The following CLIP2 variants were observed in gnomAD, a reference collection of about 807,000 sequenced individuals.
CLIP2 encodes the protein CAP-Gly domain containing linker protein 2, also known as CAP-Gly domain-containing linker protein 2.
In CLIP2, 41 loss-of-function variants were observed where a neutral mutation model predicts 111.7. That is an observed-to-expected ratio of 0.37 (90% CI 0.29 to 0.48). CLIP2 has a LOEUF of 0.48. CLIP2 is among the 20% of genes least tolerant of loss of function. The pLI is 0.99. For synonymous variants in CLIP2, 660 were observed against 644.2 expected (o/e 1.02, Z -0.37); for missense variants, 1,160 against 1,422.1 (o/e 0.82, Z 2.96).
Position 74,300,780 on chromosome 7 carries a change from A to C in CLIP2, c.-68+11046A>C, listed in dbSNP as rs1040862416. ...CTGATTTCATTCTTTTTGATGGCTG[A>C]GTGGCATTCCGTGGTAGACATATAC... On this transcript the variant is annotated intron_variant, in intron 1 of 16. Coordinates refer to ENST00000223398, the MANE Select transcript of CLIP2 (RefSeq NM_003388.5). 4.6e-5 allele frequency among the ~76,000 whole-genome samples: 7 copies of C among 152,100 alleles called. No individual in the cohort carries two copies. The East Asian group carries it at 1.3e-3, about 29-fold the overall frequency.
chr7:74,295,328 G>C (rs1450102073), intron 1 of CLIP2, among the ~76,000 whole-genome samples: 5 of 152,098 alleles, frequency 3.3e-5, no homozygotes, highest in Non-Finnish European at 7.4e-5. Flanking sequence ...TGGGGGCAAA[G>C]GGAGAAAAGT....
At chr7:74,366,709 T>C (rs1262488572) in intron 8 of CLIP2, among the ~76,000 whole-genome samples, 1 of 151,980 alleles carries the variant, frequency 6.6e-6, no homozygotes, top group African/African-American at 2.4e-5. Flanking sequence ...AAACACCGTC[T>C]CTACTGAAAA....
intron 5 of CLIP2, among the ~76,000 whole-genome samples, 199 bp from the exon 6 acceptor site, chr7:74,357,081 T>G (rs1790168170): frequency 6.6e-6 from 1 of 152,092 alleles, no homozygotes; most frequent in Non-Finnish European, 1.5e-5. Context: ...TTCCTGAATC[T>G]CAAACATCAA....
intron 2 of CLIP2, among the ~76,000 whole-genome samples, chr7:74,336,891 T>TTG (rs1789487414): frequency 9.8e-4 from 1 of 1,018 alleles, no homozygotes; most frequent in African/African-American, 6.7e-3. Context: ...TTTTGTTTTG[T>TTG]TTTTTTTTTT....
At chr7:74,291,587 G>C (rs1310585821) in intron 1 of CLIP2, among the ~76,000 whole-genome samples, 1 of 152,220 alleles carries the variant, frequency 6.6e-6, no homozygotes, top group Non-Finnish European at 1.5e-5. Flanking sequence ...TGTGTGCCCT[G>C]TGACAGAGTA....
intron 13 of CLIP2, among the ~76,000 whole-genome samples, chr7:74,394,530 G>A (rs781828891): frequency 5.2e-4 from 79 of 152,118 alleles, no homozygotes; most frequent in Non-Finnish European, 8.5e-4. Context: ...GAGCACAGGC[G>A]TGGGCCACCG....
At chr7:74,307,001 C>T (rs1214240156) in intron 1 of CLIP2, among the ~76,000 whole-genome samples, 3 of 152,196 alleles carry the variant, frequency 2.0e-5, no homozygotes, top group Admixed American at 6.5e-5. Context: ...CCAAGAATCC[C>T]TCTCTCTTCC....
intron 4 of CLIP2, 145 bp downstream of exon 4, chr7:74,354,149 A>G: frequency 9.8e-7 from 1 of 1,019,518 alleles, no homozygotes; most frequent in South Asian, 1.6e-5. Flanking sequence ...CCTCCTTCCC[A>G]ACAGCCCACT....
At chr7:74,323,350 G>A (rs781864451) in intron 2 of CLIP2, among the ~76,000 whole-genome samples, 6 of 151,520 alleles carry the variant, frequency 4.0e-5, no homozygotes, top group African/African-American at 9.7e-5. Flanking sequence ...GGGCTCAAGC[G>A]ATCCTCCCAC....
At chr7:74,300,286 C>T (rs1395005424) in intron 1 of CLIP2, among the ~76,000 whole-genome samples, 17 of 152,092 alleles carry the variant, frequency 1.1e-4, no homozygotes, top group Admixed American at 1.1e-3. Context: ...CACACCCAGC[C>T]TCTTCCCACC....
chr7:74,397,345 A>G, intron 14 of CLIP2, 112 bp downstream of exon 14: 1 of 1,142,530 alleles, frequency 8.8e-7, no homozygotes, highest in Non-Finnish European at 1.2e-6. Flanking sequence ...CCCCAGGGAC[A>G]GCTGAGTCAT....
chr7:74,331,321 A>G (rs1307904076), intron 2 of CLIP2, among the ~76,000 whole-genome samples: 1 of 150,406 alleles, frequency 6.6e-6, no homozygotes, highest in Non-Finnish European at 1.5e-5. Context: ...TGGGGGAAGG[A>G]TGAGCCAGTA....
At chr7:74,340,123 C>T (rs1024434377) in intron 3 of CLIP2, among the ~76,000 whole-genome samples, 10 of 151,294 alleles carry the variant, frequency 6.6e-5, no homozygotes, top group African/African-American at 1.5e-4. Flanking sequence ...AGGCCAAGCA[C>T]GGTGGCTCAC....
Position 74,405,929 on chromosome 7 carries a change from T to A in CLIP2, c.*2081T>A, listed in dbSNP as rs1554318569. 6.6e-6 allele frequency: 1 copy of A among 152,306 alleles called. No homozygotes were observed. The highest frequency in any genetic ancestry group is 1.5e-5 in the Non-Finnish European group (1 of 68,140). The allele number at this position is 152,306 out of a possible 1,614,324, so 9.4% of individuals were successfully genotyped here. A position where few individuals can be genotyped will look rare whatever the true frequency, so the allele number is the denominator to read the frequency against. ...TCGGGACAATAAAGCTTGTGACAGG[T>A]CCAGGACCCCGGCAGTTGGCTTGTC... is the stretch of plus-strand genomic sequence containing the variant. On this transcript the variant is annotated 3_prime_UTR_variant, in exon 17 of 17. Coordinates refer to ENST00000223398, the MANE Select transcript of CLIP2 (RefSeq NM_003388.5).
intron 2 of CLIP2, among the ~76,000 whole-genome samples, chr7:74,331,453 G>A (rs1175467008): frequency 6.6e-6 from 1 of 151,818 alleles, no homozygotes; most frequent in African/African-American, 2.4e-5. Flanking sequence ...AGGATGTTGG[G>A]TGTAAGGTCC....
intron 2 of CLIP2, among the ~76,000 whole-genome samples, chr7:74,332,480 T>TTTTTC (rs10667279): frequency 6.9e-6 from 1 of 145,806 alleles, no homozygotes; most frequent in Non-Finnish European, 1.5e-5. Flanking sequence ...TTTTTTTTTT[T>TTTTTC]AGAGATGGGG....
chr7:74,317,651 C>T lies in CLIP2; in HGVS notation c.105C>T (p.Ala35=), dbSNP rs146402020. 30 of 1,501,138 alleles carry T rather than the reference C, an allele frequency of 2.0e-5. No homozygotes were observed. Among genetic ancestry groups the T allele is most frequent in the African/African-American group, 9.9e-5 (7 of 70,666 alleles). 93.0% of individuals were successfully genotyped at this position (1,501,138 alleles called of 1,614,324 possible). A position where few individuals can be genotyped will look rare whatever the true frequency, so the allele number is the denominator to read the frequency against. The change falls in exon 2 of 17, where the codon GCC becomes GCT. Residue 35 remains alanine (A), a synonymous_variant. Coordinates refer to ENST00000223398, the MANE Select transcript of CLIP2 (RefSeq NM_003388.5). ...TGSASSSAAV[A]ASSKEGSPLH... ...CAGCTTCATCCTCGGCGGCGGTGGC[C>T]GCTAGCTCCAAGGAAGGTACGTGGC...
chr7:74,296,572 G>A (rs1390776772), intron 1 of CLIP2, among the ~76,000 whole-genome samples: 6 of 151,788 alleles, frequency 4.0e-5, no homozygotes, highest in South Asian at 2.1e-4. Context: ...GGCAGATCAT[G>A]AGGTCAGGAG....
intron 13 of CLIP2, among the ~76,000 whole-genome samples, chr7:74,390,169 G>GAA (rs1161098825): frequency 3.8e-5 from 1 of 26,250 alleles, no homozygotes; most frequent in Non-Finnish European, 1.2e-4. Context: ...AAAGAAGAAA[G>GAA]AAAGAAAGAA....
Sources: gnomAD v4.1 joint callset for allele counts (sites outside exome capture counted in the v4.1 genomes callset) on GRCh38, gnomAD v4.1.1 for gene constraint, MANE v1.5 for transcripts, NCBI Gene and HGNC (gene_info 2026-07-23, HGNC 2026-07-21) for gene names.